The following ADAMTS12 variants were observed in gnomAD, a reference collection of about 807,000 sequenced individuals.
The protein encoded by ADAMTS12 is A disintegrin and metalloproteinase with thrombospondin motifs 12.
ADAMTS12 carries 118 observed loss-of-function variants against 167.8 expected under a neutral mutation model. The ratio of observed to expected loss-of-function variants is 0.70; its 90% CI spans 0.61 to 0.82. The LOEUF is 0.82. Ranked by LOEUF, ADAMTS12 falls within the 40% of genes least tolerant of loss-of-function variation. ADAMTS12 has a pLI of 0.00. For synonymous variants in ADAMTS12, 704 were observed against 716.9 expected (o/e 0.98, Z 0.29); for missense variants, 1,916 against 1,998.8 (o/e 0.96, Z 0.79).
chr5:33,829,517 T>C (rs926840945), intron 2 of ADAMTS12, among the ~76,000 whole-genome samples: 1 of 152,222 alleles, frequency 6.6e-6, no homozygotes, highest in African/African-American at 2.4e-5. Context: ...CTGCCTGCTA[T>C]GACTTCAACT....
chr5:33,828,370 C>T (rs976094437), intron 2 of ADAMTS12, among the ~76,000 whole-genome samples: 1 of 152,206 alleles, frequency 6.6e-6, no homozygotes, highest in South Asian at 2.1e-4. Flanking sequence ...TCTACCAGAT[C>T]TCCCATCTTC....
intron 2 of ADAMTS12, among the ~76,000 whole-genome samples, chr5:33,877,070 C>T (rs576839147): frequency 6.6e-6 from 1 of 152,240 alleles, no homozygotes; most frequent in South Asian, 2.1e-4. Flanking sequence ...GAAGTTAAAG[C>T]TGGATGGCCC....
chr5:33,727,361 T>C (rs769537692), intron 3 of ADAMTS12, among the ~76,000 whole-genome samples: 2 of 152,212 alleles, frequency 1.3e-5, no homozygotes, highest in Non-Finnish European at 2.9e-5. Context: ...TGGAGGCATT[T>C]CATCGCTTTG....
chr5:33,691,154 C>T (rs920724241), intron 3 of ADAMTS12, among the ~76,000 whole-genome samples: 1 of 152,184 alleles, frequency 6.6e-6, no homozygotes, highest in African/African-American at 2.4e-5. Context: ...GAGTTTACTC[C>T]TGCACAGTTA....
intron 2 of ADAMTS12, among the ~76,000 whole-genome samples, chr5:33,880,404 C>T (rs1169468119): frequency 3.9e-5 from 6 of 152,156 alleles, no homozygotes; most frequent in South Asian, 4.1e-4. Context: ...AAATATTGTG[C>T]GGTTCTTCAG....
chr5:33,654,913 T>TGTGTGTGTGTGTGTG (rs1554032419), intron 7 of ADAMTS12, among the ~76,000 whole-genome samples: 1 of 151,404 alleles, frequency 6.6e-6, no homozygotes, highest in African/African-American at 2.4e-5. Context: ...TGTGTGTGTA[T>TGTGTGTGTGTGTGTG]TTCCAGGTTG....
intron 5 of ADAMTS12, among the ~76,000 whole-genome samples, chr5:33,673,672 C>T (rs1002285604): frequency 7.6e-5 from 1 of 13,092 alleles, no homozygotes; most frequent in Non-Finnish European, 5.7e-3. Context: ...AAAGTCTGTC[C>T]ATATCATGAC....
chr5:33,538,800 C>G (rs925999553), intron 22 of ADAMTS12, among the ~76,000 whole-genome samples: 2 of 152,158 alleles, frequency 1.3e-5, no homozygotes, highest in Non-Finnish European at 2.9e-5. Flanking sequence ...TTCTCTGCCT[C>G]CTTTCTCTTT....
intron 2 of ADAMTS12, among the ~76,000 whole-genome samples, chr5:33,835,937 CTCTCTCTCTCTCTCTCTGTGTGTGTGTG>C (rs753539232): frequency 5.3e-4 from 53 of 99,718 alleles, no homozygotes; most frequent in East Asian, 4.5e-3. Context: ...CTCTCTCTCT[CTCTCTCTCTCTCTCTCTGTGTGTGTGTG>C]TGTGTCCATC....
intron 7 of ADAMTS12, 38 bp downstream of exon 7, chr5:33,658,146 A>C (rs1263780836): frequency 6.2e-7 from 1 of 1,609,876 alleles, no homozygotes; most frequent in African/African-American, 1.3e-5. Flanking sequence ...TTGACACATG[A>C]ATATGGTGAG....
In ADAMTS12 at chr5:33,596,040, G is replaced by T; in HGVS notation, c.2548C>A (p.His850Asn). The T allele has an allele frequency of 6.2e-7, 1 of 1,614,008 alleles. No homozygotes were observed. ...ATCCCGCGGCCCTTCTTTATGCAAT[G>T]GGCAGTTTGGCGGCGGATACCTGGG... is the stretch of plus-strand genomic sequence containing the variant. ...CGTGIRRQTA[H>N]CIKKGRGMVK... Residue 850 changes from histidine (H) to asparagine (N), a missense_variant, in exon 17 of 24, where the codon CAT (histidine) becomes AAT (asparagine). Physicochemically the swap from His to Asn is moderately conservative, Grantham distance 68 (BLOSUM62 1). Transcript: ENST00000504830.
chr5:33,828,602 C>T (rs2591727), intron 2 of ADAMTS12, among the ~76,000 whole-genome samples: 121,864 of 152,132 alleles, frequency 0.8, 48,945 homozygotes, highest in South Asian at 0.94. Flanking sequence ...GTTGGCTTCA[C>T]ACTTTTACCT....
chr5:33,835,908 T>TCG, intron 2 of ADAMTS12, among the ~76,000 whole-genome samples: 1 of 32,630 alleles, frequency 3.1e-5, no homozygotes, highest in Admixed American at 5.1e-4. Flanking sequence ...ATAATATCCA[T>TCG]CTCTCTCTCT....
intron 16 of ADAMTS12, among the ~76,000 whole-genome samples, chr5:33,610,443 C>G (rs1021306990): frequency 6.6e-6 from 1 of 152,092 alleles, no homozygotes; most frequent in Non-Finnish European, 1.5e-5. Flanking sequence ...CCTTGAACTA[C>G]CTCGAGCAGG....
intron 3 of ADAMTS12, among the ~76,000 whole-genome samples, chr5:33,741,096 T>C (rs910588344): frequency 2.6e-5 from 4 of 152,192 alleles, no homozygotes; most frequent in African/African-American, 7.2e-5. Context: ...GGTGTGTGTG[T>C]GCAGTTTCCT....
At chr5:33,780,198 A>C (rs550858094) in intron 2 of ADAMTS12, among the ~76,000 whole-genome samples, 1 of 152,212 alleles carries the variant, frequency 6.6e-6, no homozygotes, top group Non-Finnish European at 1.5e-5. Context: ...AAGAGGAGTA[A>C]AAATTTACCT....
At chr5:33,838,327 T>C (rs868100116) in intron 2 of ADAMTS12, among the ~76,000 whole-genome samples, 2 of 152,136 alleles carry the variant, frequency 1.3e-5, no homozygotes, top group African/African-American at 2.4e-5. Context: ...TTGGAAATGA[T>C]AGTGTTAGAA....
At chr5:33,615,074 C>T (rs1038257779) in intron 15 of ADAMTS12, among the ~76,000 whole-genome samples, 3 of 152,184 alleles carry the variant, frequency 2.0e-5, no homozygotes, top group Non-Finnish European at 1.5e-5. Context: ...CTACTTATCA[C>T]ATGTTTAAAA....
intron 5 of ADAMTS12, among the ~76,000 whole-genome samples, chr5:33,666,643 C>T (rs898479175): frequency 3.9e-5 from 6 of 152,154 alleles, no homozygotes; most frequent in African/African-American, 1.4e-4. Context: ...CAGGCACGCA[C>T]CACCATGACC....
Sources: gnomAD v4.1 joint callset for allele counts (sites outside exome capture counted in the v4.1 genomes callset) on GRCh38, gnomAD v4.1.1 for gene constraint, MANE v1.5 for transcripts, NCBI Gene and HGNC (gene_info 2026-07-23, HGNC 2026-07-21) for gene names.